PCDH15: variants seen among roughly 807,000 people sequenced by gnomAD.
The protein encoded by PCDH15 is protocadherin related 15, also known as protocadherin-15.
Under a neutral mutation model 178.5 loss-of-function variants are expected in PCDH15, and 129 were observed. The observed-to-expected ratio is 0.72, with a 90% CI of 0.63 to 0.84. The LOEUF is 0.84. PCDH15 is among the 40% of genes least tolerant of loss of function. The probability of loss-of-function intolerance (pLI) is 0.00; values close to 1 mark genes in which losing one functional copy is unlikely to be tolerated. For missense variants in PCDH15, 2,230 were observed against 2,099.9 expected (o/e 1.06, Z -1.21); for synonymous variants, 800 against 732.0 (o/e 1.09, Z -1.50).
At chr10:54,247,959 TACAC>T (rs1237170163) in intron 8 of PCDH15, among the ~76,000 whole-genome samples, 25 of 138,018 alleles carry the variant, frequency 1.8e-4, no homozygotes, top group Admixed American at 5.6e-4. Context: ...TATATATATA[TACAC>T]ATACAGTAAA....
At chr10:54,749,512 C>T (rs1258236860) in intron 1 of PCDH15, among the ~76,000 whole-genome samples, 1 of 152,026 alleles carries the variant, frequency 6.6e-6, no homozygotes, top group African/African-American at 2.4e-5. Context: ...TTTTGTGAAA[C>T]CCAGAGTTCC....
intron 21 of PCDH15, among the ~76,000 whole-genome samples, chr10:53,982,191 G>A (rs1249576852): frequency 6.6e-6 from 1 of 152,162 alleles, no homozygotes; most frequent in Non-Finnish European, 1.5e-5. Context: ...AAAGGATGTG[G>A]AGAAATAGGA....
intron 2 of PCDH15, among the ~76,000 whole-genome samples, chr10:55,620,803 C>T (rs1293261198): frequency 1.3e-5 from 2 of 151,224 alleles, no homozygotes; most frequent in African/African-American, 2.4e-5. Context: ...GTTTTAAGAA[C>T]TCAATGCTCC....
intron 26 of PCDH15, among the ~76,000 whole-genome samples, chr10:53,881,491 T>C (rs563792781): frequency 2.8e-3 from 428 of 152,284 alleles, no homozygotes; most frequent in African/African-American, 0.01. Context: ...TTTCTTAGCT[T>C]AGGCAGCAGA....
chr10:54,887,439 G>A (rs1001671068), intron 3 of PCDH15, among the ~76,000 whole-genome samples: 5 of 151,960 alleles, frequency 3.3e-5, no homozygotes, highest in East Asian at 1.9e-4. Context: ...ATTATATCCC[G>A]TTCTCACCCT....
At chr10:55,548,791 G>A (rs574997233) in intron 2 of PCDH15, among the ~76,000 whole-genome samples, 1 of 152,092 alleles carries the variant, frequency 6.6e-6, no homozygotes, top group Non-Finnish European at 1.5e-5. Flanking sequence ...AGAGAGTAGG[G>A]AACTGTGAAG....
At chr10:54,534,331 T>C (rs1181753053) in intron 2 of PCDH15, among the ~76,000 whole-genome samples, 1 of 152,178 alleles carries the variant, frequency 6.6e-6, no homozygotes, top group Non-Finnish European at 1.5e-5. Context: ...GAAATGTCAC[T>C]GGTGGTCTGT....
Position 54,468,803 on chromosome 10 carries a change from T to C in PCDH15, c.157+59009A>G, listed in dbSNP as rs116819661. 4.4e-3 allele frequency among the ~76,000 whole-genome samples: 664 copies of C among 152,302 alleles called. 7 individuals carry two copies. Among genetic ancestry groups the C allele is most frequent in the African/African-American group, 0.015 (628 of 41,564 alleles). On this transcript the variant is annotated intron_variant, in intron 3 of 37. Transcript: ENST00000644397. The stretch of plus-strand genomic sequence containing the variant: ...CTATTTGTCCTTATTGATCTAATAA[T>C]ATTTGTTTTATATGTCTGGGTGCTC...
intron 2 of PCDH15, among the ~76,000 whole-genome samples, chr10:54,587,249 C>T (rs10763118): frequency 0.79 from 119,968 of 152,084 alleles, 47,583 homozygotes; most frequent in East Asian, 0.84. Context: ...CTCTGTTTCC[C>T]ATTGATAAAC....
At chr10:53,969,944 G>T (rs533470661) in intron 21 of PCDH15, among the ~76,000 whole-genome samples, 10 of 152,266 alleles carry the variant, frequency 6.6e-5, no homozygotes, top group Admixed American at 5.9e-4. Flanking sequence ...GGAAGAAACT[G>T]CATCAACTAA....
At chr10:55,269,906 C>G (rs1278354438) in intron 1 of PCDH15, among the ~76,000 whole-genome samples, 6 of 152,096 alleles carry the variant, frequency 3.9e-5, no homozygotes, top group Non-Finnish European at 7.3e-5. Context: ...GTAACCAAAA[C>G]AGCATGATAC....
At chr10:54,389,877 A>G (rs1022873382) in intron 3 of PCDH15, among the ~76,000 whole-genome samples, 2 of 152,116 alleles carry the variant, frequency 1.3e-5, no homozygotes, top group African/African-American at 4.8e-5. Context: ...TCTGGAGCCC[A>G]GGAGGCAGAG....
chr10:54,794,104 C>T lies in PCDH15; in HGVS notation c.-29+6821G>A, dbSNP rs1338199864. On this transcript the variant is annotated intron_variant, in intron 1 of 37. Coordinates refer to ENST00000644397, the MANE Select transcript of PCDH15 (RefSeq NM_001384140.1). ...TATATTTCCTTTAAGATATATATTT[C>T]TTTCCTTTAAGATATATATAAGATA... Among the ~76,000 whole-genome samples the T allele has an allele frequency of 2.1e-5, 3 of 145,196 alleles. No individual in the cohort carries two copies. The South Asian group carries it at 6.4e-4, about 31-fold the overall frequency.
At chr10:55,053,360 G>C (rs1841213466) in intron 2 of PCDH15, among the ~76,000 whole-genome samples, 1 of 152,188 alleles carries the variant, frequency 6.6e-6, no homozygotes, top group Admixed American at 6.5e-5. Flanking sequence ...AGCACCGACA[G>C]AAGCAGAGCT....
chr10:55,359,737 TATATATATATACAC>T (rs1459188393), intron 2 of PCDH15, among the ~76,000 whole-genome samples: 19 of 116,614 alleles, frequency 1.6e-4, no homozygotes, highest in African/African-American at 6.1e-4. Context: ...TATATATATA[TATATATATATACAC>T]ACACACACAC....
chr10:54,987,827 A>T (rs1327550561), intron 2 of PCDH15, among the ~76,000 whole-genome samples: 1 of 151,740 alleles, frequency 6.6e-6, no homozygotes, highest in East Asian at 1.9e-4. Flanking sequence ...GTTCACTCTA[A>T]CTATAGATTC....
intron 3 of PCDH15, among the ~76,000 whole-genome samples, chr10:54,468,019 A>G (rs1012528139): frequency 3.3e-5 from 5 of 151,348 alleles, no homozygotes; most frequent in Admixed American, 1.3e-4. Context: ...TAATGTCTCC[A>G]TTTTTCTGAT....
intron 2 of PCDH15, among the ~76,000 whole-genome samples, chr10:55,353,283 T>C (rs117872199): frequency 0.021 from 3,194 of 152,240 alleles, 57 homozygotes; most frequent in Non-Finnish European, 0.037. Context: ...TTGATTGTAT[T>C]GATTCTTATT....
At chr10:55,075,141 A>G (rs1841850256) in intron 2 of PCDH15, among the ~76,000 whole-genome samples, 1 of 151,784 alleles carries the variant, frequency 6.6e-6, no homozygotes, top group Non-Finnish European at 1.5e-5. Context: ...TTATTGATCT[A>G]TTTCAGGTTT....
Sources: gnomAD v4.1 joint callset for allele counts (sites outside exome capture counted in the v4.1 genomes callset) on GRCh38, gnomAD v4.1.1 for gene constraint, MANE v1.5 for transcripts, NCBI Gene and HGNC (gene_info 2026-07-23, HGNC 2026-07-21) for gene names.